Variants in WSCD1 observed in about 807,000 individuals in gnomAD.
The protein encoded by WSCD1 is sialate:O-sulfotransferase 1.
In WSCD1, 41 loss-of-function variants were observed where a neutral mutation model predicts 60.4. The ratio of observed to expected loss-of-function variants is 0.68; its 90% CI spans 0.53 to 0.88. The LOEUF (loss-of-function observed/expected upper bound fraction) is 0.88, where lower values mean the gene tolerates loss of function less well. Ranked by LOEUF, WSCD1 falls within the 40% of genes least tolerant of loss-of-function variation. The pLI is 0.00. For missense variants in WSCD1, 784 were observed against 796.2 expected, an observed-to-expected ratio of 0.98 and a Z score of 0.18; for synonymous variants, 361 against 332.5, an observed-to-expected ratio of 1.09 and a Z score of -0.93.
chr17:6,093,203 G>A (rs543500335), intron 4 of WSCD1, among the ~76,000 whole-genome samples: 13 of 152,250 alleles, frequency 8.5e-5, no homozygotes, highest in Non-Finnish European at 1.3e-4. Flanking sequence ...CCTGAGAGTC[G>A]CATCAGTGAA....
At chr17:6,070,817 G>A (rs1016419409) in intron 1 of WSCD1, among the ~76,000 whole-genome samples, 165 bp downstream of exon 1, 2 of 150,160 alleles carry the variant, frequency 1.3e-5, no homozygotes, top group African/African-American at 2.4e-5. Flanking sequence ...CTTCCCGGGG[G>A]CCCGGGGCGG....
chr17:6,106,814 G>A (rs1295192015), intron 5 of WSCD1, among the ~76,000 whole-genome samples: 1 of 152,126 alleles, frequency 6.6e-6, no homozygotes, highest in African/African-American at 2.4e-5. Context: ...CACAGAGAAG[G>A]TGACTTGAAG....
chr17:6,106,965 G>A (rs1326713862), intron 5 of WSCD1, among the ~76,000 whole-genome samples: 1 of 152,154 alleles, frequency 6.6e-6, no homozygotes, highest in Non-Finnish European at 1.5e-5. Context: ...CATCAACTTG[G>A]CTGCTATGAG....
In WSCD1 at chr17:6,081,152, G is replaced by A. The variant is rs1379510181; in HGVS notation, c.427+67G>A. 3 of 1,468,390 alleles carry A rather than the reference G, an allele frequency of 2.0e-6. No individual in the cohort carries two copies. In the East Asian group the frequency reaches 7.5e-5, roughly 37 times the overall value. 91.0% of individuals were successfully genotyped at this position (1,468,390 alleles called of 1,614,324 possible). ...CCCCATTCAGGGTCACAGGTTTGGT[G>A]TCCCCTTTCTCTCTGCAGGCCTGTG... is the stretch of plus-strand genomic sequence containing the variant. On this transcript the variant is annotated intron_variant, in intron 2 of 8. Transcript: ENST00000317744.
In WSCD1 at chr17:6,123,447, T is replaced by C. The variant is rs979895984; in HGVS notation, c.*2786T>C. On this transcript the variant is annotated 3_prime_UTR_variant, in exon 9 of 9. Transcript: ENST00000317744. ...TTCCAAACCCTGGGAAGAAAGCTGCTTAATTATGTGAACATCTTATAATGA... is the reference window on the plus strand; with the variant it reads ...TTCCAAACCCTGGGAAGAAAGCTGCCTAATTATGTGAACATCTTATAATGA... 7 of 152,234 alleles carry C rather than the reference T, an allele frequency of 4.6e-5. No homozygotes were observed. Among genetic ancestry groups the C allele is most frequent in the Non-Finnish European group, 8.8e-5 (6 of 68,038 alleles). The allele number at this position is 152,234 out of a possible 1,614,324, so 9.4% of individuals were successfully genotyped here. A position where few individuals can be genotyped will look rare whatever the true frequency, so the allele number is the denominator to read the frequency against.
At chr17:6,073,540 A>G (rs192204803) in intron 1 of WSCD1, among the ~76,000 whole-genome samples, 340 of 152,316 alleles carry the variant, frequency 2.2e-3, no homozygotes, top group Non-Finnish European at 3.8e-3. Context: ...TGAGGCAGGA[A>G]AATCGCTTGA....
chr17:6,095,281 G>A (rs2150550809), intron 5 of WSCD1, 58 bp downstream of exon 5: 20 of 1,555,684 alleles, frequency 1.3e-5, no homozygotes, highest in Non-Finnish European at 1.7e-5. Context: ...GTGGTCCTGA[G>A]AGAGGGGGGC....
In WSCD1 at chr17:6,080,949, C is replaced by A. The variant is rs546183293; in HGVS notation, c.291C>A (p.Pro97=). Residue 97 remains proline (P), a synonymous_variant, in exon 2 of 9, where the codon CCC becomes CCA. Transcript: ENST00000317744. This position sits in a 1 kb window ranked among gnomAD's most constrained non-coding sequence, Gnocchi z 6.6. The stretch of plus-strand genomic sequence containing the variant: ...AGAGCCCCCTGACCCGGCCCCGGCC[C>A]GGCCCCCGCTGGCTCCGGAGCCGCA... The part of the protein sequence containing the change: ...MLQSPLTRPR[P]GPRWLRSRNS... 232 of 1,563,670 alleles carry A rather than the reference C, an allele frequency of 1.5e-4. 2 individuals carry two copies. The South Asian group carries it at 2.5e-3, about 17-fold the overall frequency.
rs1481687453 is a variant in WSCD1, at chr17:6,086,249, T to TTATATATATATATA, written c.428-1741_428-1740insTATATATATATATA. Among the ~76,000 whole-genome samples, 79 of 71,218 alleles carry TTATATATATATATA rather than the reference T, an allele frequency of 1.1e-3. 3 individuals are homozygous for TTATATATATATATA. The highest frequency in any genetic ancestry group is 4.5e-3 in the African/African-American group (79 of 17,592). 46.7% of individuals were successfully genotyped at this position (71,218 alleles called of 152,430 possible). A position where few individuals can be genotyped will look rare whatever the true frequency, so the allele number is the denominator to read the frequency against. ...TGCAGTCAGTAAGACCGTCCTGACT[T>TTATATATATATATA]CATATATATATATATATATATATAT... On this transcript the variant is annotated intron_variant, in intron 2 of 8. Coordinates refer to ENST00000317744, the MANE Select transcript of WSCD1 (RefSeq NM_015253.2).
intron 4 of WSCD1, 65 bp from the exon 5 acceptor site, chr17:6,095,037 C>T: frequency 1.9e-6 from 3 of 1,556,520 alleles, no homozygotes; most frequent in Non-Finnish European, 2.6e-6. Context: ...CCAGCATTTT[C>T]CCTGGTGACA....
At chr17:6,085,000 A>G (rs73974662) in intron 2 of WSCD1, 9,828 of 152,266 alleles carry the variant, frequency 0.065, 827 homozygotes, top group African/African-American at 0.2. Context: ...TCAAATGGCC[A>G]GCTGGTCACA....
Position 6,123,372 on chromosome 17 carries a change from C to T in WSCD1, c.*2711C>T, listed in dbSNP as rs1226251625. The T allele has an allele frequency of 1.3e-5, 2 of 152,202 alleles. No homozygotes were observed. Among genetic ancestry groups the T allele is most frequent in the African/African-American group, 4.8e-5 (2 of 41,454 alleles). 9.4% of individuals were successfully genotyped at this position (152,202 alleles called of 1,614,324 possible). ...TATGTAATTTTAAAAAACTAAAACA[C>T]ATCCTGGTAGTCCCAGTGATGTGTA... On this transcript the variant is annotated 3_prime_UTR_variant, in exon 9 of 9. Coordinates refer to ENST00000317744, the MANE Select transcript of WSCD1 (RefSeq NM_015253.2).
intron 7 of WSCD1, 92 bp from the exon 8 acceptor site, chr17:6,117,896 C>G (rs906830598): frequency 3.7e-6 from 5 of 1,360,964 alleles, no homozygotes; most frequent in Non-Finnish European, 1.0e-6. Context: ...TCTTATGCCC[C>G]TGATGCCAGC....
rs934592530 is a variant in WSCD1 at position 6,123,571 on chromosome 17, G to T, written c.*2910G>T. ...CCCTTAAAAGTAGCAGTAGCCACTT[G>T]GTTCTTAGGGGGCCCCAAGAGGAGA... On this transcript the variant is annotated 3_prime_UTR_variant, in exon 9 of 9. Coordinates refer to ENST00000317744, the MANE Select transcript of WSCD1 (RefSeq NM_015253.2). 9.2e-5 allele frequency: 14 copies of T among 152,176 alleles called. No individual in the cohort carries two copies. The highest frequency in any genetic ancestry group is 2.1e-4 in the South Asian group (1 of 4,820). 9.4% of individuals were successfully genotyped at this position (152,176 alleles called of 1,614,324 possible).
In WSCD1 at chr17:6,090,516, C is replaced by T. The variant is rs980527101; in HGVS notation, c.727+11C>T. ...CGGGCTCCAGGAAGCGTGAGTGTGC[C>T]AGCCTCTTCCTGAGCTTTGTCCGTC... On this transcript the variant is annotated intron_variant, in intron 4 of 8. Coordinates refer to ENST00000317744, the MANE Select transcript of WSCD1 (RefSeq NM_015253.2). 2.5e-6 allele frequency: 4 copies of T among 1,611,622 alleles called. No homozygotes were observed. In the Admixed American group the frequency reaches 6.7e-5, roughly 27 times the overall value.
chr17:6,085,700 A>G (rs1909592574), intron 2 of WSCD1, among the ~76,000 whole-genome samples: 1 of 152,238 alleles, frequency 6.6e-6, no homozygotes, highest in African/African-American at 2.4e-5. Flanking sequence ...ACAATGATAA[A>G]TGTTTAATAA....
intron 2 of WSCD1, among the ~76,000 whole-genome samples, chr17:6,087,350 G>A (rs1909721956): frequency 6.6e-6 from 1 of 152,194 alleles, no homozygotes; most frequent in South Asian, 2.1e-4. Flanking sequence ...CAGGTGACCA[G>A]CCTGGAGAGG....
At position 6,109,663 on chromosome 17, in the gene WSCD1, C is replaced by T. The variant is rs374866965; in HGVS notation, c.906C>T (p.Pro302=). The part of the protein sequence containing the change: ...GWECYCAYPT[P]RFNLRDAMDS... The stretch of plus-strand genomic sequence containing the variant: ...AATGCTACTGTGCTTACCCTACCCC[C>T]CGGTTCAACCTGCGGGATGCCATGG... The change falls in exon 6 of 9, where the codon CCC becomes CCT. Residue 302 remains proline, a synonymous_variant. Transcript: ENST00000317744. The T allele has an allele frequency of 6.2e-7, 1 of 1,614,204 alleles. No individual in the cohort carries two copies.
At chr17:6,081,975 G>A (rs1007904102) in intron 2 of WSCD1, 1 of 152,196 alleles carries the variant, frequency 6.6e-6, no homozygotes, top group Admixed American at 6.5e-5. Flanking sequence ...CTCCAGGTGA[G>A]TCTGATGCAT....
Sources: gnomAD v4.1 joint callset for allele counts (sites outside exome capture counted in the v4.1 genomes callset) on GRCh38, gnomAD v4.1.1 for gene constraint, Gnocchi (gnomAD v3.1) non-coding constraint, MANE v1.5 for transcripts, NCBI Gene and HGNC (gene_info 2026-07-23, HGNC 2026-07-21) for gene names.